The following CALD1 variants were observed in gnomAD, a reference collection of about 807,000 sequenced individuals.
The protein encoded by CALD1 is caldesmon.
Under a neutral mutation model 99.9 loss-of-function variants are expected in CALD1, and 33 were observed. The ratio of observed to expected loss-of-function variants is 0.33; its 90% CI spans 0.25 to 0.44. The LOEUF is 0.44. CALD1 is among the 20% of genes least tolerant of loss of function. The probability of loss-of-function intolerance (pLI) is 1.00; values close to 1 mark genes in which losing one functional copy is unlikely to be tolerated. For synonymous variants in CALD1, 310 were observed against 325.0 expected, an observed-to-expected ratio of 0.95 and a Z score of 0.50; for missense variants, 861 against 962.1, an observed-to-expected ratio of 0.89 and a Z score of 1.39.
At position 134,958,120 on chromosome 7, in the gene CALD1, T is replaced by C. The variant is rs775988955; in HGVS notation, c.1979+8T>C. ...TAAGTCTGTGCAGAAAAGGTAAATA[T>C]GCTTGATGGTTCAATTGAGCTAATC... is the stretch of plus-strand genomic sequence containing the variant. On this transcript the variant is annotated splice_region_variant and intron_variant, in intron 10 of 14. Transcript: ENST00000361675. 1.2e-6 allele frequency: 2 copies of C among 1,610,322 alleles called. No homozygotes were observed. Among genetic ancestry groups the C allele is most frequent in the Non-Finnish European group, 8.5e-7 (1 of 1,177,190 alleles).
At chr7:134,859,071 T>C (rs1800447336) in intron 2 of CALD1, among the ~76,000 whole-genome samples, 1 of 152,242 alleles carries the variant, frequency 6.6e-6, no homozygotes, top group African/African-American at 2.4e-5. Flanking sequence ...GCTACCATAT[T>C]GGACAGCATA....
intron 13 of CALD1, among the ~76,000 whole-genome samples, chr7:134,963,219 A>G (rs1808410476): frequency 6.6e-6 from 1 of 152,326 alleles, no homozygotes; most frequent in East Asian, 1.9e-4. Flanking sequence ...AGTCTTCCAG[A>G]CAGTTTGGCA....
chr7:134,734,605 A>G, the CALD1 span, among the ~76,000 whole-genome samples: 7 of 152,118 alleles, frequency 4.6e-5, no homozygotes, highest in African/African-American at 1.7e-4. Context: ...GGTGGGAGGT[A>G]ATTGAATCAT....
At chr7:134,901,290 TC>T (rs1167699626) in intron 3 of CALD1, among the ~76,000 whole-genome samples, 1 of 151,934 alleles carries the variant, frequency 6.6e-6, no homozygotes, top group Admixed American at 6.6e-5. Context: ...CCTAGTCTCA[TC>T]ATTTTATCAA....
intron 1 of CALD1, among the ~76,000 whole-genome samples, chr7:134,818,153 C>A (rs1355782883): frequency 1.3e-5 from 2 of 151,978 alleles, no homozygotes; most frequent in Non-Finnish European, 2.9e-5. Context: ...ATTTAAAGAC[C>A]AAAATATTCT....
At chr7:134,848,102 A>T (rs1434471783) in intron 2 of CALD1, among the ~76,000 whole-genome samples, 4 of 152,014 alleles carry the variant, frequency 2.6e-5, no homozygotes, top group Admixed American at 6.5e-5. Context: ...CTGGGGAAAA[A>T]AAAAAAGCCC....
chr7:134,829,537 A>C (rs557263714), intron 1 of CALD1, among the ~76,000 whole-genome samples: 5 of 152,152 alleles, frequency 3.3e-5, no homozygotes, highest in Non-Finnish European at 7.3e-5. Flanking sequence ...GTGGCCAGTA[A>C]GCTCTAGATC....
intron 1 of CALD1, among the ~76,000 whole-genome samples, chr7:134,800,419 A>T (rs1797898756): frequency 6.6e-6 from 1 of 152,048 alleles, no homozygotes; most frequent in Non-Finnish European, 1.5e-5. Flanking sequence ...CTTCTTATAA[A>T]ATTTCTCCTT....
chr7:134,798,684 G>A (rs966778511), intron 1 of CALD1, among the ~76,000 whole-genome samples: 1 of 152,202 alleles, frequency 6.6e-6, no homozygotes, highest in Non-Finnish European at 1.5e-5. Context: ...AAATTATAAA[G>A]GAGATTGCTT....
chr7:134,931,678 G>A (rs1347701348), intron 4 of CALD1, among the ~76,000 whole-genome samples: 1 of 152,134 alleles, frequency 6.6e-6, no homozygotes, highest in Non-Finnish European at 1.5e-5. Context: ...GTTGTTTCCT[G>A]CAAATAGAAA....
At chr7:134,774,266 A>G (rs1041956979) in intron 1 of CALD1, among the ~76,000 whole-genome samples, 3 of 151,882 alleles carry the variant, frequency 2.0e-5, no homozygotes, top group African/African-American at 7.3e-5. Context: ...AATGTCTGTG[A>G]GTTTAGGTCT....
chr7:134,863,672 T>A (rs1376996163), intron 2 of CALD1, among the ~76,000 whole-genome samples: 1 of 152,126 alleles, frequency 6.6e-6, no homozygotes, highest in Non-Finnish European at 1.5e-5. Context: ...TACATGCCCA[T>A]AGAGGGAAAA....
At chr7:134,856,163 T>C (rs944862537) in intron 2 of CALD1, among the ~76,000 whole-genome samples, 1 of 152,238 alleles carries the variant, frequency 6.6e-6, no homozygotes, top group Non-Finnish European at 1.5e-5. Context: ...ATCCTCGAAC[T>C]GTTGCCTTCC....
At chr7:134,764,318 C>G (rs1796807374) in intron 1 of CALD1, among the ~76,000 whole-genome samples, 1 of 152,010 alleles carries the variant, frequency 6.6e-6, no homozygotes, top group Admixed American at 6.6e-5. Context: ...TGTCAAGGTA[C>G]CTTCATATTT....
upstream of CALD1, among the ~76,000 whole-genome samples, chr7:134,743,680 G>C (rs768854629): frequency 1.3e-5 from 2 of 152,218 alleles, no homozygotes; most frequent in Admixed American, 6.5e-5. Context: ...TCAGAAAAGT[G>C]TTGCTGGTTA....
intron 1 of CALD1, among the ~76,000 whole-genome samples, chr7:134,751,371 A>G (rs1454870698): frequency 6.6e-6 from 1 of 152,202 alleles, no homozygotes; most frequent in African/African-American, 2.4e-5. Flanking sequence ...TGCGATTCCC[A>G]GGCATCTCCC....
intron 1 of CALD1, among the ~76,000 whole-genome samples, chr7:134,761,326 C>T (rs1465401817): frequency 6.6e-6 from 1 of 152,128 alleles, no homozygotes; most frequent in Non-Finnish European, 1.5e-5. Flanking sequence ...TGGAATTTCA[C>T]CAATTTCTTT....
At chr7:134,836,205 TC>T (rs1799433967) in intron 1 of CALD1, among the ~76,000 whole-genome samples, 1 of 143,634 alleles carries the variant, frequency 7.0e-6, no homozygotes, top group Non-Finnish European at 1.5e-5. Context: ...CAGATGTCCA[TC>T]CTGTTTCCTC....
chr7:134,850,920 G>T (rs994387146), intron 2 of CALD1, among the ~76,000 whole-genome samples: 1 of 152,180 alleles, frequency 6.6e-6, no homozygotes, highest in African/African-American at 2.4e-5. Context: ...TTTATAAAGG[G>T]GATTTCCCCC....
Sources: allele counts gnomAD v4.1 joint callset (sites outside exome capture counted in the v4.1 genomes callset), GRCh38; gene constraint gnomAD v4.1.1; transcripts MANE v1.5; gene names NCBI Gene and HGNC (gene_info 2026-07-23, HGNC 2026-07-21).